FRMD4A: variants seen among roughly 807,000 people sequenced by gnomAD.
The protein encoded by FRMD4A is FERM domain-containing protein 4A.
A neutral mutation model predicts 129.1 loss-of-function variants in FRMD4A; 29 were observed. The ratio of observed to expected loss-of-function variants is 0.22; its 90% CI spans 0.17 to 0.31. The LOEUF is 0.31. Ranked by LOEUF, FRMD4A falls within the 10% of genes least tolerant of loss-of-function variation. The pLI, the probability that FRMD4A is intolerant of heterozygous loss-of-function variation, is 1.00. For synonymous variants in FRMD4A, 634 were observed against 571.6 expected (o/e 1.11, Z -1.56); for missense variants, 1,272 against 1,375.8 (o/e 0.92, Z 1.19).
At chr10:13,884,162 A>G (rs28600194) in intron 2 of FRMD4A, among the ~76,000 whole-genome samples, 3 of 16,304 alleles carry the variant, frequency 1.8e-4, no homozygotes, top group South Asian at 9.9e-4. Context: ...ACTCTCACAC[A>G]CACACTCACA....
At chr10:13,699,956 C>T (rs2086641495) in intron 14 of FRMD4A, among the ~76,000 whole-genome samples, 1 of 152,154 alleles carries the variant, frequency 6.6e-6, no homozygotes, top group African/African-American at 2.4e-5. Flanking sequence ...CTGTCCTGCG[C>T]TCATTCATCC....
intron 2 of FRMD4A, among the ~76,000 whole-genome samples, chr10:14,296,164 T>C (rs1239496506): frequency 6.6e-6 from 1 of 152,112 alleles, no homozygotes; most frequent in African/African-American, 2.4e-5. Context: ...GGGTGATGTG[T>C]GCAAAATTTT....
intron 2 of FRMD4A, among the ~76,000 whole-genome samples, chr10:14,020,082 T>C (rs1366119607): frequency 1.3e-5 from 2 of 152,224 alleles, no homozygotes; most frequent in African/African-American, 4.8e-5. Context: ...CCAACACTTC[T>C]GGAGCTTGTC....
chr10:13,801,847 A>T (rs983732312), intron 4 of FRMD4A, among the ~76,000 whole-genome samples: 1 of 152,166 alleles, frequency 6.6e-6, no homozygotes, highest in Admixed American at 6.5e-5. Flanking sequence ...CAAACCTTTT[A>T]TGTTTCTTTT....
intron 2 of FRMD4A, among the ~76,000 whole-genome samples, chr10:13,910,443 T>C (rs1035712474): frequency 6.6e-6 from 1 of 152,188 alleles, no homozygotes; most frequent in Non-Finnish European, 1.5e-5. Flanking sequence ...AGAACTGCCT[T>C]GCTGAGCCCC....
chr10:13,905,495 A>T (rs955871038), intron 2 of FRMD4A, among the ~76,000 whole-genome samples: 5 of 152,230 alleles, frequency 3.3e-5, no homozygotes, highest in African/African-American at 9.6e-5. Flanking sequence ...AAATCTTCAG[A>T]GAATGCCCCT....
intron 2 of FRMD4A, among the ~76,000 whole-genome samples, chr10:13,884,231 CACACACA>C (rs1564972068): frequency 3.3e-5 from 5 of 151,150 alleles, no homozygotes; most frequent in African/African-American, 1.2e-4. Context: ...CACACACACA[CACACACA>C]CACTCCCTAA....
At chr10:13,817,106 A>G (rs2093556818) in intron 3 of FRMD4A, among the ~76,000 whole-genome samples, 1 of 152,158 alleles carries the variant, frequency 6.6e-6, no homozygotes, top group Non-Finnish European at 1.5e-5. Flanking sequence ...TCCCTCCTTA[A>G]CATATACTTC....
intron 2 of FRMD4A, among the ~76,000 whole-genome samples, chr10:14,115,737 C>G (rs181587354): frequency 6.6e-6 from 1 of 152,312 alleles, no homozygotes; most frequent in Admixed American, 6.5e-5. Context: ...TCCCTGCCCC[C>G]TCTCCATCTT....
intron 4 of FRMD4A, among the ~76,000 whole-genome samples, chr10:13,800,606 T>C (rs919595891): frequency 2.0e-5 from 3 of 152,168 alleles, no homozygotes; most frequent in Non-Finnish European, 4.4e-5. Flanking sequence ...GATATCCTCA[T>C]ACCACTCCAC....
At chr10:14,151,880 T>G (rs1025732102) in intron 2 of FRMD4A, among the ~76,000 whole-genome samples, 1 of 152,144 alleles carries the variant, frequency 6.6e-6, no homozygotes, top group Non-Finnish European at 1.5e-5. Flanking sequence ...AGTTCCCACT[T>G]CAGCCCAAAG....
chr10:14,053,609 C>T (rs1332502983), intron 2 of FRMD4A, among the ~76,000 whole-genome samples: 3 of 152,112 alleles, frequency 2.0e-5, no homozygotes, highest in East Asian at 1.9e-4. Context: ...TCCAGGAGAA[C>T]GTGGTTTTAG....
chr10:13,745,064 C>T (rs2091219928), intron 9 of FRMD4A, among the ~76,000 whole-genome samples: 1 of 152,158 alleles, frequency 6.6e-6, no homozygotes, highest in African/African-American at 2.4e-5. Context: ...AAAGTGAAGA[C>T]TTGTAATGTT....
At chr10:13,853,292 C>G (rs184106213) in intron 3 of FRMD4A, among the ~76,000 whole-genome samples, 58 of 152,294 alleles carry the variant, frequency 3.8e-4, no homozygotes, top group Middle Eastern at 3.4e-3. Flanking sequence ...GCCATCTTAA[C>G]ACTTTGAGAA....
rs57029013 is a variant in FRMD4A, at chr10:14,206,809, C to CAAAAAAAAAAAAAAAAAA, written c.45+123248_45+123249insTTTTTTTTTTTTTTTTTT. Reference sequence around the variant, plus strand: ...TGGATGACAGAGTGAGACGCTATCTCAAAAAAAAAAAAGAGAGACAGAGAA... The same window carrying CAAAAAAAAAAAAAAAAAA: ...TGGATGACAGAGTGAGACGCTATCTCAAAAAAAAAAAAAAAAAAAAAAAAAAAAAAGAGAGACAGAGAA... On this transcript the variant is annotated intron_variant, in intron 2 of 24. Coordinates refer to ENST00000357447, the MANE Select transcript of FRMD4A (RefSeq NM_018027.5). Among the ~76,000 whole-genome samples, 171 of 42,622 alleles carry CAAAAAAAAAAAAAAAAAA rather than the reference C, an allele frequency of 4.0e-3. 10 individuals carry two copies. Among genetic ancestry groups the CAAAAAAAAAAAAAAAAAA allele is most frequent in the Non-Finnish European group, 4.7e-3 (123 of 26,198 alleles). The allele number at this position is 42,622 out of a possible 152,430, so 28.0% of individuals were successfully genotyped here.
intron 2 of FRMD4A, among the ~76,000 whole-genome samples, chr10:13,865,524 C>T (rs919728150): frequency 2.0e-5 from 3 of 149,426 alleles, no homozygotes; most frequent in Non-Finnish European, 4.4e-5. Flanking sequence ...TATCATAGCT[C>T]ACTGCAGCTT....
chr10:14,005,918 G>C (rs2131628290), intron 2 of FRMD4A, among the ~76,000 whole-genome samples: 1 of 152,306 alleles, frequency 6.6e-6, no homozygotes, highest in South Asian at 2.1e-4. Context: ...GAAATGTAAG[G>C]TCTTCCGCGT....
intron 2 of FRMD4A, among the ~76,000 whole-genome samples, chr10:14,129,400 ATATATAT>A (rs1839115417): frequency 1.5e-5 from 2 of 132,508 alleles, no homozygotes; most frequent in Non-Finnish European, 3.1e-5. Flanking sequence ...ATATATATAT[ATATATAT>A]AAAAAATATG....
intron 2 of FRMD4A, among the ~76,000 whole-genome samples, chr10:14,180,146 G>C (rs965027878): frequency 6.6e-6 from 1 of 152,198 alleles, no homozygotes; most frequent in Non-Finnish European, 1.5e-5. Context: ...TAAGATTGGA[G>C]AGGTGAATAG....
Sources: allele counts gnomAD v4.1 joint callset (sites outside exome capture counted in the v4.1 genomes callset), GRCh38; gene constraint gnomAD v4.1.1; transcripts MANE v1.5; gene names NCBI Gene and HGNC (gene_info 2026-07-23, HGNC 2026-07-21).